Variants in ZNF536 observed in about 807,000 individuals in gnomAD.
ZNF536 encodes zinc finger protein 536.
A neutral mutation model predicts 84.5 loss-of-function variants in ZNF536; 13 were observed. The observed-to-expected ratio is 0.15, with a 90% confidence interval of 0.10 to 0.24. The LOEUF is 0.24. ZNF536 is among the 10% of genes least tolerant of loss of function. The pLI, the probability that ZNF536 is intolerant of heterozygous loss-of-function variation, is 1.00. For missense variants in ZNF536, 1,536 were observed against 1,747.5 expected, an observed-to-expected ratio of 0.88 and a Z score of 2.16; for synonymous variants, 811 against 742.5, an observed-to-expected ratio of 1.09 and a Z score of -1.50.
At chr19:30,439,955 C>CTTTTTTTTTTT (rs1369505835) in intron 1 of ZNF536, among the ~76,000 whole-genome samples, 38 of 133,044 alleles carry the variant, frequency 2.9e-4, no homozygotes, top group African/African-American at 1.1e-3. Context: ...CTTTTTCTTT[C>CTTTTTTTTTTT]TTTCTTTTTT....
At chr19:30,486,170 T>A (rs191190220) in intron 2 of ZNF536, among the ~76,000 whole-genome samples, 193 of 152,344 alleles carry the variant, frequency 1.3e-3, no homozygotes, top group African/African-American at 4.5e-3. Flanking sequence ...ACATGTGCCA[T>A]GGTGCTTTGC....
intron 1 of ZNF536, among the ~76,000 whole-genome samples, chr19:30,382,489 T>C (rs1243847835): frequency 6.6e-6 from 1 of 152,204 alleles, no homozygotes; most frequent in African/African-American, 2.4e-5. Context: ...AAAGAAAATA[T>C]CTGCACTTCT....
intron 2 of ZNF536, among the ~76,000 whole-genome samples, chr19:30,509,050 G>C (rs977143243): frequency 2.7e-5 from 4 of 150,332 alleles, no homozygotes; most frequent in African/African-American, 9.7e-5. Flanking sequence ...GCCCATGCTG[G>C]TCTGGGGCTC....
chr19:30,433,688 G>A (rs1267892091), intron 1 of ZNF536, among the ~76,000 whole-genome samples: 3 of 152,074 alleles, frequency 2.0e-5, no homozygotes, highest in African/African-American at 4.8e-5. Flanking sequence ...GTAGAGATGG[G>A]GTAACTCCAT....
intron 1 of ZNF536, among the ~76,000 whole-genome samples, chr19:30,639,660 T>C (rs1484287831): frequency 2.0e-5 from 3 of 152,238 alleles, no homozygotes; most frequent in Non-Finnish European, 2.9e-5. Context: ...TCTTACTCCT[T>C]CTTCTGCCCC....
chr19:30,638,069 G>T (rs1219303719), intron 1 of ZNF536, among the ~76,000 whole-genome samples: 2 of 152,076 alleles, frequency 1.3e-5, no homozygotes, highest in Non-Finnish European at 2.9e-5. Context: ...GAATGTTCCA[G>T]TCTGCATCAA....
chr19:30,693,056 G>T (rs1392694295), intron 1 of ZNF536, among the ~76,000 whole-genome samples: 1 of 151,644 alleles, frequency 6.6e-6, no homozygotes, highest in Non-Finnish European at 1.5e-5. Flanking sequence ...GAGAGTGTGT[G>T]TATACGTGTG....
chr19:30,495,172 C>G (rs2053080), intron 2 of ZNF536, among the ~76,000 whole-genome samples: 49,120 of 151,972 alleles, frequency 0.32, 9,765 homozygotes, highest in African/African-American at 0.57. Flanking sequence ...ACTTAACTGG[C>G]CTTACCCATT....
At chr19:30,582,083 G>A (rs1033209673) in intron 1 of ZNF536, among the ~76,000 whole-genome samples, 6 of 152,192 alleles carry the variant, frequency 3.9e-5, no homozygotes, top group South Asian at 2.1e-4. Flanking sequence ...TTCCCCAGAG[G>A]TGAGGCAGCT....
chr19:30,668,141 T>G (rs1018597439), intron 1 of ZNF536, among the ~76,000 whole-genome samples: 3 of 152,144 alleles, frequency 2.0e-5, no homozygotes, highest in South Asian at 2.1e-4. Flanking sequence ...GAAAAAAAAT[T>G]TTTAGTTCAT....
chr19:30,637,941 C>T (rs749598253), intron 1 of ZNF536, among the ~76,000 whole-genome samples: 2 of 152,132 alleles, frequency 1.3e-5, no homozygotes, highest in Non-Finnish European at 2.9e-5. Flanking sequence ...TGCCTCTGTA[C>T]TTTGTCTTTT....
At chr19:30,561,210 T>C (rs1350750650), downstream of ZNF536, among the ~76,000 whole-genome samples, 1 of 152,246 alleles carries the variant, frequency 6.6e-6, no homozygotes, top group Non-Finnish European at 1.5e-5. Context: ...AAATTATTGC[T>C]CTTTTTATAT....
intron 1 of ZNF536, among the ~76,000 whole-genome samples, chr19:30,571,382 C>T (rs1255194776): frequency 6.6e-6 from 1 of 152,162 alleles, no homozygotes; most frequent in Non-Finnish European, 1.5e-5. Flanking sequence ...TCCCAAAGAA[C>T]TCCAAGGCAA....
At chr19:30,688,099 A>C (rs139709525) in intron 1 of ZNF536, among the ~76,000 whole-genome samples, 308 of 151,678 alleles carry the variant, frequency 2.0e-3, no homozygotes, top group Non-Finnish European at 3.0e-3. Flanking sequence ...CACCCAGAAA[A>C]CACGGAGATT....
chr19:30,575,769 T>C (rs1363395683), intron 1 of ZNF536, among the ~76,000 whole-genome samples: 1 of 152,130 alleles, frequency 6.6e-6, no homozygotes, highest in African/African-American at 2.4e-5. Context: ...GCCTGTGCAG[T>C]GACACCCAGG....
intron 2 of ZNF536, among the ~76,000 whole-genome samples, chr19:30,447,336 A>T (rs777045300): frequency 1.3e-5 from 2 of 152,184 alleles, no homozygotes; most frequent in Non-Finnish European, 2.9e-5. Flanking sequence ...TCTAGGACAA[A>T]ATTAGTATTA....
intron 2 of ZNF536, among the ~76,000 whole-genome samples, chr19:30,304,082 C>T (rs1298679696): frequency 2.0e-5 from 3 of 152,278 alleles, no homozygotes; most frequent in Non-Finnish European, 2.9e-5. Flanking sequence ...TAAGAGTTCC[C>T]GGTTGGACTC....
intron 2 of ZNF536, among the ~76,000 whole-genome samples, chr19:30,351,806 G>A (rs1283276563): frequency 1.3e-5 from 2 of 152,240 alleles, no homozygotes; most frequent in African/African-American, 2.4e-5. Context: ...CAGAAAGCCT[G>A]TCCTCTCTTG....
chr19:30,349,684 G>A (rs150626994), intron 2 of ZNF536, among the ~76,000 whole-genome samples: 46 of 151,958 alleles, frequency 3.0e-4, no homozygotes, highest in Non-Finnish European at 4.9e-4. Context: ...CTCAGCCCTC[G>A]ACCCTGCCCT....
Sources: gnomAD v4.1 joint callset for allele counts (sites outside exome capture counted in the v4.1 genomes callset) on GRCh38, gnomAD v4.1.1 for gene constraint, MANE v1.5 for transcripts, NCBI Gene and HGNC (gene_info 2026-07-23, HGNC 2026-07-21) for gene names.